The following CFAP54 variants were observed in gnomAD, a reference collection of about 807,000 sequenced individuals.
CFAP54 encodes cilia and flagella associated protein 54.
In CFAP54, 290 loss-of-function variants were observed where a neutral mutation model predicts 370.4. That is an observed-to-expected ratio of 0.78 (90% CI 0.71 to 0.86). The LOEUF (loss-of-function observed/expected upper bound fraction) is 0.86, where lower values mean the gene tolerates loss of function less well. CFAP54 is among the 40% of genes least tolerant of loss of function. The pLI is 0.00. For missense variants in CFAP54, 3,399 were observed against 3,528.7 expected, an observed-to-expected ratio of 0.96 and a Z score of 0.93; for synonymous variants, 1,206 against 1,236.5, an observed-to-expected ratio of 0.98 and a Z score of 0.52.
At chr12:96,532,876 C>T (rs1245236263) in intron 9 of CFAP54, among the ~76,000 whole-genome samples, 1 of 152,156 alleles carries the variant, frequency 6.6e-6, no homozygotes, top group Non-Finnish European at 1.5e-5. Context: ...CTGCCTTGGC[C>T]TCCCAAAGTG....
chr12:96,583,694 G>A (rs1471178248), intron 22 of CFAP54, among the ~76,000 whole-genome samples: 2 of 152,172 alleles, frequency 1.3e-5, no homozygotes, highest in Non-Finnish European at 2.9e-5. Flanking sequence ...GTTAAGAAAT[G>A]TACCCAAGGT....
At chr12:96,554,648 T>A in intron 16 of CFAP54, 28 bp from the exon 17 acceptor site, 16 of 1,505,098 alleles carry the variant, frequency 1.1e-5, no homozygotes, top group Non-Finnish European at 1.3e-5. Context: ...ACTATATTTC[T>A]TTTTATTTCA....
At chr12:96,810,177 G>T (rs371295215) in intron 63 of CFAP54, among the ~76,000 whole-genome samples, 3 of 151,978 alleles carry the variant, frequency 2.0e-5, no homozygotes, top group Non-Finnish European at 4.4e-5. Context: ...TCCAGTTCCT[G>T]AGCTTCTCGG....
At chr12:96,793,987 A>G (rs1341588584) in intron 63 of CFAP54, among the ~76,000 whole-genome samples, 1 of 152,072 alleles carries the variant, frequency 6.6e-6, no homozygotes, top group Admixed American at 6.6e-5. Context: ...TATTTCCTTC[A>G]TTTATGAAGC....
chr12:96,580,573 CA>C, intron 20 of CFAP54, 23 bp from the exon 21 acceptor site: 1 of 1,405,772 alleles, frequency 7.1e-7, no homozygotes, highest in Non-Finnish European at 9.4e-7. Flanking sequence ...GCCTTTTAAA[CA>C]GGCTCATTTT....
At chr12:96,624,459 T>C (rs1425370514) in intron 28 of CFAP54, among the ~76,000 whole-genome samples, 1 of 152,230 alleles carries the variant, frequency 6.6e-6, no homozygotes, top group African/African-American at 2.4e-5. Context: ...AGTGAAAGAT[T>C]AGTTTAATTT....
chr12:96,589,688 A>G lies in CFAP54; in HGVS notation c.3212+125A>G, dbSNP rs956315349. 4.7e-6 allele frequency: 3 copies of G among 632,896 alleles called. No individual in the cohort carries two copies. The African/African-American group carries it at 5.5e-5, about 12-fold the overall frequency. The allele number at this position is 632,896 out of a possible 1,614,324, so 39.2% of individuals were successfully genotyped here. A position where few individuals can be genotyped will look rare whatever the true frequency, so the allele number is the denominator to read the frequency against. ...CCATATACAATCATCATTTCTAATA[A>G]CTATTGTAATAAGAGTATGCATTGC... On this transcript the variant is annotated intron_variant, in intron 23 of 67. Coordinates refer to ENST00000524981, the MANE Select transcript of CFAP54 (RefSeq NM_001306084.2).
chr12:96,774,213 TG>T (rs1958492457), intron 60 of CFAP54, among the ~76,000 whole-genome samples: 1 of 152,202 alleles, frequency 6.6e-6, no homozygotes, highest in African/African-American at 2.4e-5. Context: ...ACATTTTAGT[TG>T]TGATATTTGT....
chr12:96,509,145 C>G (rs933864386), intron 4 of CFAP54, among the ~76,000 whole-genome samples: 1 of 152,118 alleles, frequency 6.6e-6, no homozygotes, highest in African/African-American at 2.4e-5. Flanking sequence ...CTAAACAAAT[C>G]AAAACTGAAT....
intron 38 of CFAP54, among the ~76,000 whole-genome samples, chr12:96,658,587 A>G (rs1956951996): frequency 6.6e-6 from 1 of 152,084 alleles, no homozygotes; most frequent in Non-Finnish European, 1.5e-5. Flanking sequence ...CATAAAGCAC[A>G]ATGGGGATGG....
At chr12:96,823,322 G>T (rs1215301321) in intron 65 of CFAP54, among the ~76,000 whole-genome samples, 1 of 152,158 alleles carries the variant, frequency 6.6e-6, no homozygotes, top group Non-Finnish European at 1.5e-5. Context: ...TCTTGACTGT[G>T]AATTCCTTTG....
rs1464606569 is a variant in CFAP54 at position 96,765,095 on chromosome 12, G to T, written c.8158G>T (p.Ala2720Ser). ...ATTGTAGGTCAGTGAAGCTGTGCTG[G>T]CAATTAACTTACTTATTGGAAAGAA... ...AAAQVSEAVL[A>S]INLLIGKKNT... is the part of the protein sequence containing the mutation. Residue 2720 changes from alanine to serine, a missense_variant, in exon 60 of 68, where the codon GCA (alanine) becomes TCA (serine). By Grantham distance (99) the Ala-to-Ser change is moderately conservative. Coordinates refer to ENST00000524981, the MANE Select transcript of CFAP54 (RefSeq NM_001306084.2). The T allele has an allele frequency of 8.1e-6, 12 of 1,481,134 alleles. No homozygotes were observed. Among genetic ancestry groups the T allele is most frequent in the Non-Finnish European group, 1.1e-5 (12 of 1,095,040 alleles). 91.7% of individuals were successfully genotyped at this position (1,481,134 alleles called of 1,614,324 possible).
chr12:96,568,573 A>C (rs1266556027), intron 19 of CFAP54, among the ~76,000 whole-genome samples: 1 of 152,210 alleles, frequency 6.6e-6, no homozygotes, highest in East Asian at 1.9e-4. Context: ...TAAAGAAGAC[A>C]AATACATTTA....
At chr12:96,629,554 C>T (rs1439638904) in intron 30 of CFAP54, among the ~76,000 whole-genome samples, 1 of 151,614 alleles carries the variant, frequency 6.6e-6, no homozygotes, top group East Asian at 1.9e-4. Flanking sequence ...ACCTCGTGAT[C>T]CACCCGCCTC....
At chr12:96,823,421 T>C (rs1271190465) in intron 65 of CFAP54, among the ~76,000 whole-genome samples, 1 of 152,176 alleles carries the variant, frequency 6.6e-6, no homozygotes, top group African/African-American at 2.4e-5. Context: ...AAACTTCTAG[T>C]TGGAGACCTG....
At chr12:96,830,403 C>G (rs1959167183) in intron 66 of CFAP54, among the ~76,000 whole-genome samples, 2 of 152,008 alleles carry the variant, frequency 1.3e-5, no homozygotes, top group African/African-American at 4.8e-5. Flanking sequence ...AGTAGTCATC[C>G]TAGTGGGTGT....
At chr12:96,600,415 A>G (rs1956227075) in intron 26 of CFAP54, among the ~76,000 whole-genome samples, 1 of 152,220 alleles carries the variant, frequency 6.6e-6, no homozygotes, top group South Asian at 2.1e-4. Flanking sequence ...GAAGTCAGGT[A>G]GAGTGATGCC....
At chr12:96,841,874 C>G (rs1959221120) in intron 66 of CFAP54, among the ~76,000 whole-genome samples, 1 of 152,212 alleles carries the variant, frequency 6.6e-6, no homozygotes, top group Non-Finnish European at 1.5e-5. Context: ...AGTTATTTCC[C>G]TAGGCGTCAC....
At chr12:96,654,287 G>A (rs1159815327) in intron 36 of CFAP54, among the ~76,000 whole-genome samples, 1 of 152,138 alleles carries the variant, frequency 6.6e-6, no homozygotes, top group Non-Finnish European at 1.5e-5. Flanking sequence ...GGATCACGAT[G>A]TCAGGAGATC....
Sources: gnomAD v4.1 joint callset for allele counts (sites outside exome capture counted in the v4.1 genomes callset) on GRCh38, gnomAD v4.1.1 for gene constraint, MANE v1.5 for transcripts, NCBI Gene and HGNC (gene_info 2026-07-23, HGNC 2026-07-21) for gene names.